ATP11C: variants seen among roughly 807,000 people sequenced by gnomAD.
ATP11C encodes ATPase phospholipid transporting 11C (ATP11C blood group).
In ATP11C, 36 loss-of-function variants were observed where a neutral mutation model predicts 97.4. The observed-to-expected ratio is 0.37, with a 90% CI of 0.28 to 0.49. The LOEUF is 0.49. ATP11C is among the 20% of genes least tolerant of loss of function. The pLI is 0.98. For missense variants in ATP11C, 730 were observed against 824.6 expected (o/e 0.89, Z 1.40); for synonymous variants, 275 against 290.9 (o/e 0.95, Z 0.56).
intron 20 of ATP11C, among the ~76,000 whole-genome samples, chrX:139,765,932 A>G (rs957143604): frequency 8.9e-6 from 1 of 112,167 alleles, no homozygotes; most frequent in Non-Finnish European, 1.9e-5. Context: ...TAAGACTACA[A>G]TGAAAGGGTA....
chrX:139,774,981 C>CT, intron 18 of ATP11C, 28 bp from the exon 19 acceptor site: 1 of 1,165,941 alleles, frequency 8.6e-7, no homozygotes. Context: ...ACCTTGTGAT[C>CT]TTCTAAAACT....
At chrX:139,784,885 G>A (rs1221989128) in intron 16 of ATP11C, among the ~76,000 whole-genome samples, 1 of 111,053 alleles carries the variant, frequency 9.0e-6, no homozygotes, top group Non-Finnish European at 1.9e-5. Flanking sequence ...AACTATGCTG[G>A]GTGGCTGCAT....
chrX:139,863,856 G>A lies in ATP11C; in HGVS notation c.28-37033C>T, dbSNP rs527956139. ...GTGGGTGGATTGCTTGAGCCTGGGA[G>A]CTTGAGACCAGCGTGGGCAACATAT... On this transcript the variant is annotated intron_variant, in intron 1 of 29. Transcript: ENST00000682941. Among the ~76,000 whole-genome samples, 164 of 111,440 alleles carry A rather than the reference G, an allele frequency of 1.5e-3. 1 individual carries two copies. The highest frequency in any genetic ancestry group is 4.9e-3 in the African/African-American group (149 of 30,677).
rs749298275 is a variant in ATP11C at position 139,867,929 on chromosome X, AGAG to A, written c.28-41109_28-41107del. 2.7e-5 allele frequency among the ~76,000 whole-genome samples: 3 copies of A among 112,259 alleles called. No individual in the cohort carries two copies. The South Asian group carries it at 1.1e-3, about 42-fold the overall frequency. On this transcript the variant is annotated intron_variant, in intron 1 of 29. Transcript: ENST00000682941. ...CCAAAGCTGCAGCCATGAGAATGGAAGAGGAGAAGGAGTTAAGAGAGATTAAAA... is the reference window on the plus strand; with the variant it reads ...CCAAAGCTGCAGCCATGAGAATGGAAGAGAAGGAGTTAAGAGAGATTAAAA...
chrX:139,755,979 A>C (rs2081926693), intron 23 of ATP11C, among the ~76,000 whole-genome samples: 2 of 112,621 alleles, frequency 1.8e-5, no homozygotes, highest in South Asian at 7.2e-4. Context: ...GACAAATGTT[A>C]CCTAATTAAA....
chrX:139,742,977 C>A (rs1213032687), intron 26 of ATP11C, among the ~76,000 whole-genome samples: 1 of 105,717 alleles, frequency 9.5e-6, no homozygotes, highest in Non-Finnish European at 1.9e-5. Context: ...CTCAAGCGAT[C>A]TGCCCACCTT....
Position 139,774,755 on chromosome X carries a change from T to C in ATP11C, c.2151A>G (p.Glu717=). The part of the protein sequence containing the change: ...ESERKEDRLH[E]LLIEYRKKLL... ...ATTTCTTGCGATATTCTATCAATAA[T>C]TCATGTAATCGATCTTCTTTCCTTT... Residue 717 remains glutamate (E), a synonymous_variant, in exon 19 of 30, where the codon GAA becomes GAG. Transcript: ENST00000682941. 2 of 1,210,176 alleles carry C rather than the reference T, an allele frequency of 1.7e-6. No homozygotes were observed. The highest frequency in any genetic ancestry group is 2.2e-6 in the Non-Finnish European group (2 of 893,768).
intron 1 of ATP11C, among the ~76,000 whole-genome samples, chrX:139,846,930 C>T (rs1005331899): frequency 1.4e-5 from 1 of 73,060 alleles, no homozygotes; most frequent in Non-Finnish European, 2.8e-5. Flanking sequence ...AATGCCTGTA[C>T]AAAAAAAAAA....
chrX:139,867,174 C>T (rs770190906), intron 1 of ATP11C, among the ~76,000 whole-genome samples: 1 of 111,912 alleles, frequency 8.9e-6, no homozygotes, highest in Non-Finnish European at 1.9e-5. Context: ...CTACTACATA[C>T]CTGGTATGAT....
At chrX:139,902,538 G>T (rs2084914535) in intron 1 of ATP11C, among the ~76,000 whole-genome samples, 1 of 111,676 alleles carries the variant, frequency 9.0e-6, no homozygotes, top group Admixed American at 9.6e-5. Context: ...ATGGCCCTAG[G>T]ACCAGGGCTG....
intron 1 of ATP11C, among the ~76,000 whole-genome samples, chrX:139,909,192 C>T (rs1378374929): frequency 1.8e-5 from 2 of 111,055 alleles, no homozygotes; most frequent in African/African-American, 3.3e-5. Context: ...AGTGCAGTGG[C>T]GCGATCTTGG....
chrX:139,846,170 A>G (rs1226454196), intron 1 of ATP11C, among the ~76,000 whole-genome samples: 3 of 112,505 alleles, frequency 2.7e-5, no homozygotes, highest in Non-Finnish European at 5.6e-5. Context: ...GGTATGTTAT[A>G]TAACAAACCG....
At chrX:139,837,057 G>A (rs1366675276) in intron 1 of ATP11C, among the ~76,000 whole-genome samples, 1 of 111,173 alleles carries the variant, frequency 9.0e-6, no homozygotes, top group Non-Finnish European at 1.9e-5. Flanking sequence ...AAAGCCATTT[G>A]AAATAATTTT....
intron 19 of ATP11C, among the ~76,000 whole-genome samples, chrX:139,771,971 C>T (rs1382600304): frequency 1.8e-5 from 2 of 112,287 alleles, no homozygotes; most frequent in Non-Finnish European, 3.8e-5. Flanking sequence ...TGTTAATCCC[C>T]AAGACCATGG....
At position 139,728,855 on chromosome X, in the gene ATP11C, C is replaced by A. The variant is rs751009695; in HGVS notation, c.*111G>T. ...GTTTAGTGTGTTGCGTATCAAGTAT[C>A]CTGAGATGATAACTTTTTGTAGTTG... On this transcript the variant is annotated 3_prime_UTR_variant, in exon 30 of 30. Transcript: ENST00000682941. 3 of 1,052,308 alleles carry A rather than the reference C, an allele frequency of 2.9e-6. No homozygotes were observed. The highest frequency in any genetic ancestry group is 4.0e-6 in the Non-Finnish European group (3 of 756,126). 86.7% of individuals were successfully genotyped at this position (1,052,308 alleles called of 1,213,427 possible). A position where few individuals can be genotyped will look rare whatever the true frequency, so the allele number is the denominator to read the frequency against.
chrX:139,854,122 CAG>C (rs1466828878), intron 1 of ATP11C, among the ~76,000 whole-genome samples: 2 of 111,689 alleles, frequency 1.8e-5, no homozygotes, highest in East Asian at 2.8e-4. Context: ...CTTGTAAAAG[CAG>C]AGTTAGGAAA....
chrX:139,913,986 TA>T (rs2085117175), intron 1 of ATP11C, among the ~76,000 whole-genome samples: 1 of 110,156 alleles, frequency 9.1e-6, no homozygotes, highest in African/African-American at 3.3e-5. Flanking sequence ...ACCCAAAGAG[TA>T]AAACAGATAA....
intron 28 of ATP11C, among the ~76,000 whole-genome samples, chrX:139,737,407 G>A (rs928521794): frequency 9.0e-6 from 1 of 110,962 alleles, no homozygotes; most frequent in Non-Finnish European, 1.9e-5. Context: ...ACCACATCCA[G>A]GGAATTCTCT....
chrX:139,766,076 T>C (rs1603351882), intron 20 of ATP11C, among the ~76,000 whole-genome samples: 1 of 111,851 alleles, frequency 8.9e-6, no homozygotes, highest in Non-Finnish European at 1.9e-5. Flanking sequence ...AAGTCAGATT[T>C]GGGGTGATAA....
Sources: allele counts gnomAD v4.1 joint callset (sites outside exome capture counted in the v4.1 genomes callset), GRCh38; gene constraint gnomAD v4.1.1; transcripts MANE v1.5; gene names NCBI Gene and HGNC (gene_info 2026-07-23, HGNC 2026-07-21).